Variants in SH3D19 observed in about 807,000 individuals in gnomAD.
SH3D19 encodes SH3 domain containing 19.
In SH3D19, 58 loss-of-function variants were observed where a neutral mutation model predicts 112.1. The observed-to-expected ratio is 0.52, with a 90% confidence interval of 0.42 to 0.64. The LOEUF (loss-of-function observed/expected upper bound fraction) is 0.64, where lower values mean the gene tolerates loss of function less well. Among genes scored for constraint, SH3D19 ranks in the 30% least tolerant of loss-of-function variants. SH3D19 has a pLI of 0.00. For missense variants in SH3D19, 1,090 were observed against 1,263.4 expected (o/e 0.86, Z 2.08); for synonymous variants, 391 against 448.5 (o/e 0.87, Z 1.62).
At chr4:151,246,537 C>T (rs1770960676) in intron 1 of SH3D19, among the ~76,000 whole-genome samples, 1 of 152,092 alleles carries the variant, frequency 6.6e-6, no homozygotes, top group Non-Finnish European at 1.5e-5. Flanking sequence ...AAAAAGCTAT[C>T]TCCAGGAAAT....
intron 2 of SH3D19, among the ~76,000 whole-genome samples, chr4:151,194,428 A>T (rs1763104315): frequency 6.6e-6 from 1 of 152,108 alleles, no homozygotes; most frequent in Admixed American, 6.5e-5. Flanking sequence ...GGAAAAAAAT[A>T]AGCGATAAAA....
intron 2 of SH3D19, among the ~76,000 whole-genome samples, chr4:151,198,896 GTTC>G (rs1763972933): frequency 6.6e-6 from 1 of 152,008 alleles, no homozygotes; most frequent in South Asian, 2.1e-4. Flanking sequence ...TCAAAGATTT[GTTC>G]TTCTCTGGAA....
chr4:151,155,652 G>A (rs1413568851), intron 9 of SH3D19, among the ~76,000 whole-genome samples: 7 of 152,160 alleles, frequency 4.6e-5, no homozygotes, highest in Admixed American at 3.3e-4. Flanking sequence ...CTGAGAGGCC[G>A]AGGCGGATGG....
chr4:151,152,140 C>T (rs572715478), intron 9 of SH3D19, among the ~76,000 whole-genome samples: 2 of 152,210 alleles, frequency 1.3e-5, no homozygotes, highest in Non-Finnish European at 2.9e-5. Context: ...CTGAAAGGCA[C>T]TGCTGTATCT....
At chr4:151,163,516 G>A (rs1472025446) in intron 8 of SH3D19, among the ~76,000 whole-genome samples, 2 of 151,700 alleles carry the variant, frequency 1.3e-5, no homozygotes, top group South Asian at 2.1e-4. Context: ...ATGAGCTATC[G>A]TTTTACTGAT....
chr4:151,177,211 G>A (rs997487133), intron 4 of SH3D19, among the ~76,000 whole-genome samples: 7 of 152,202 alleles, frequency 4.6e-5, no homozygotes, highest in Non-Finnish European at 7.3e-5. Context: ...ACTTGGCTCT[G>A]CCTTGGTTGA....
intron 1 of SH3D19, among the ~76,000 whole-genome samples, chr4:151,268,921 A>G (rs1773024784): frequency 6.6e-6 from 1 of 152,186 alleles, no homozygotes; most frequent in Admixed American, 6.5e-5. Flanking sequence ...GTGTCTTTAT[A>G]GCAGCATGGT....
intron 1 of SH3D19, among the ~76,000 whole-genome samples, chr4:151,285,251 C>T (rs527558879): frequency 1.3e-5 from 2 of 152,234 alleles, no homozygotes; most frequent in South Asian, 4.2e-4. Flanking sequence ...AGACAAGTCA[C>T]TCCCATAAGA....
At chr4:151,269,797 T>C (rs1345967045) in intron 1 of SH3D19, among the ~76,000 whole-genome samples, 1 of 151,692 alleles carries the variant, frequency 6.6e-6, no homozygotes, top group Non-Finnish European at 1.5e-5. Flanking sequence ...CTTTTTTCTC[T>C]TTTTAAAAAT....
chr4:151,166,448 T>C, intron 7 of SH3D19: 1 of 151,990 alleles, frequency 6.6e-6, no homozygotes, highest in Non-Finnish European at 1.5e-5. Context: ...ACTGAAACAG[T>C]TTTTAATATA....
rs558015608 is a variant in SH3D19 at position 151,178,335 on chromosome 4, T to C, written c.236+1020A>G. ...CATGGATGATAATACCTGCTCTGCC[T>C]TTCTCTAGCACTCTATGGAAAATAA... On this transcript the variant is annotated intron_variant, in intron 4 of 19. Transcript: ENST00000604030. 3.9e-5 allele frequency among the ~76,000 whole-genome samples: 6 copies of C among 152,334 alleles called. No individual in the cohort carries two copies. In the East Asian group the frequency reaches 7.7e-4, roughly 20 times the overall value.
At chr4:151,241,553 TATTTATTTATTTATCTA>T in intron 1 of SH3D19, among the ~76,000 whole-genome samples, 1 of 144,394 alleles carries the variant, frequency 6.9e-6, no homozygotes, top group Non-Finnish European at 1.5e-5. Flanking sequence ...CCACTTTATT[TATTTATTTATTTATCTA>T]ATTTATTTAT....
chr4:151,281,207 G>A (rs1774191832), intron 1 of SH3D19, among the ~76,000 whole-genome samples: 1 of 152,198 alleles, frequency 6.6e-6, no homozygotes, highest in Non-Finnish European at 1.5e-5. Context: ...TGAACAAAAT[G>A]AGAGGAGATT....
At chr4:151,229,126 C>A (rs1561382988) in intron 1 of SH3D19, among the ~76,000 whole-genome samples, 1 of 151,284 alleles carries the variant, frequency 6.6e-6, no homozygotes, top group Non-Finnish European at 1.5e-5. Context: ...CCTGCCTTGG[C>A]CTCCCAAAGT....
In SH3D19 at chr4:151,178,023, G is replaced by A. The variant is rs560396581; in HGVS notation, c.237-1068C>T. 2.6e-5 allele frequency among the ~76,000 whole-genome samples: 4 copies of A among 152,208 alleles called. No homozygotes were observed. In the South Asian group the frequency reaches 6.2e-4, roughly 24 times the overall value. Reference sequence around the variant, plus strand: ...AGCTCACTGCAGCCTCGAGCTCCCCGCCCCTCAGCTTCCTGAGTAGCTGGG... The same window carrying A: ...AGCTCACTGCAGCCTCGAGCTCCCCACCCCTCAGCTTCCTGAGTAGCTGGG... On this transcript the variant is annotated intron_variant, in intron 4 of 19. Transcript: ENST00000604030.
At chr4:151,202,866 C>T (rs1301790830) in intron 2 of SH3D19, among the ~76,000 whole-genome samples, 1 of 152,172 alleles carries the variant, frequency 6.6e-6, no homozygotes, top group Admixed American at 6.5e-5. Context: ...TAAAGTTGGA[C>T]ATTTTGCTTC....
chr4:151,174,107 T>C (rs542720170), intron 7 of SH3D19, among the ~76,000 whole-genome samples: 2 of 152,346 alleles, frequency 1.3e-5, no homozygotes, highest in South Asian at 4.1e-4. Context: ...GGAACAACTT[T>C]GCAACATGTG....
intron 2 of SH3D19, among the ~76,000 whole-genome samples, chr4:151,222,823 C>T (rs959744800): frequency 6.6e-6 from 1 of 151,942 alleles, no homozygotes; most frequent in Non-Finnish European, 1.5e-5. Context: ...CAGGCATGCA[C>T]CACCATGCCC....
intron 1 of SH3D19, among the ~76,000 whole-genome samples, chr4:151,277,784 T>C (rs1455024001): frequency 6.6e-6 from 1 of 152,222 alleles, no homozygotes; most frequent in African/African-American, 2.4e-5. Flanking sequence ...CTCACGCCTG[T>C]AATCCCAGCA....
Sources: gnomAD v4.1 joint callset for allele counts (sites outside exome capture counted in the v4.1 genomes callset) on GRCh38, gnomAD v4.1.1 for gene constraint, MANE v1.5 for transcripts, NCBI Gene and HGNC (gene_info 2026-07-23, HGNC 2026-07-21) for gene names.